ANXA8: variants seen among roughly 807,000 people sequenced by gnomAD.
The protein encoded by ANXA8 is annexin A8, also known as VAC-beta.
A neutral mutation model predicts 26.8 loss-of-function variants in ANXA8; 9 were observed. The ratio of observed to expected loss-of-function variants is 0.34; its 90% CI spans 0.20 to 0.59. ANXA8 has a LOEUF of 0.59. Ranked by LOEUF, ANXA8 falls within the 20% of genes least tolerant of loss-of-function variation. The pLI is 0.84. For synonymous variants in ANXA8, 39 were observed against 94.8 expected (o/e 0.41, Z 3.42); for missense variants, 83 against 238.5 (o/e 0.35, Z 4.29).
the ANXA8 span, among the ~76,000 whole-genome samples, chr10:47,708,676 G>T: frequency 0.11 from 13,099 of 121,136 alleles, no homozygotes; most frequent in East Asian, 0.39. Context: ...GAAAAGAAAA[G>T]ACTTCTGTTC....
the ANXA8 span, among the ~76,000 whole-genome samples, chr10:47,701,175 T>C: frequency 6.6e-6 from 1 of 150,618 alleles, no homozygotes; most frequent in Non-Finnish European, 1.5e-5. Flanking sequence ...GAGATACCAT[T>C]TCTCACCTAT....
At chr10:47,908,870 C>T in the ANXA8 span, among the ~76,000 whole-genome samples, 1 of 3,924 alleles carries the variant, frequency 2.5e-4, no homozygotes, top group Non-Finnish European at 4.3e-4. Context: ...GAGGTGTGAG[C>T]CACCGCACCC....
At chr10:47,576,824 A>AG in the ANXA8 span, among the ~76,000 whole-genome samples, 8 of 149,732 alleles carry the variant, frequency 5.3e-5, no homozygotes, top group African/African-American at 1.5e-4. Flanking sequence ...TGGCCTAGAG[A>AG]GATTTTTTTA....
At chr10:47,748,616 T>C in the ANXA8 span, among the ~76,000 whole-genome samples, 1 of 152,206 alleles carries the variant, frequency 6.6e-6, no homozygotes, top group South Asian at 2.1e-4. Context: ...TCTTTTTTCT[T>C]TTCCCCTCCC....
At chr10:47,485,440 T>C (rs1408227165), upstream of ANXA8, among the ~76,000 whole-genome samples, 14 of 151,952 alleles carry the variant, frequency 9.2e-5, no homozygotes, top group Admixed American at 2.6e-4. Context: ...AACCAGGATA[T>C]AAGGTTCAGC....
the ANXA8 span, among the ~76,000 whole-genome samples, chr10:47,667,476 GCT>G: frequency 6.6e-6 from 1 of 151,838 alleles, no homozygotes; most frequent in Non-Finnish European, 1.5e-5. Flanking sequence ...AAACAATTAT[GCT>G]CTGCACTCAG....
the ANXA8 span, among the ~76,000 whole-genome samples, chr10:47,652,970 T>C: frequency 7.9e-5 from 12 of 151,488 alleles, no homozygotes; most frequent in Admixed American, 7.2e-4. Context: ...AGCTTTCTCC[T>C]GGAGACTGGA....
chr10:47,717,902 G>T, the ANXA8 span, among the ~76,000 whole-genome samples: 8 of 151,758 alleles, frequency 5.3e-5, no homozygotes, highest in Admixed American at 3.9e-4. Flanking sequence ...GGAGGCTGAG[G>T]CAGGAAAATT....
chr10:47,900,837 C>G, the ANXA8 span, among the ~76,000 whole-genome samples: 1 of 150,338 alleles, frequency 6.7e-6, no homozygotes. Context: ...TGAGTATACA[C>G]TATATTATAG....
the ANXA8 span, among the ~76,000 whole-genome samples, chr10:47,733,199 T>TTCCTCTCTC: frequency 8.9e-6 from 1 of 112,476 alleles, no homozygotes; most frequent in Non-Finnish European, 2.0e-5. Context: ...CTTTCTTTCT[T>TTCCTCTCTC]TCTTTCTTTC....
chr10:47,640,004 T>C, the ANXA8 span, among the ~76,000 whole-genome samples: 7 of 145,046 alleles, frequency 4.8e-5, no homozygotes, highest in East Asian at 1.4e-3. Flanking sequence ...GTTGCCTAGG[T>C]TGGTCTCAAT....
At chr10:47,651,809 G>A in the ANXA8 span, among the ~76,000 whole-genome samples, 12 of 151,748 alleles carry the variant, frequency 7.9e-5, no homozygotes, top group Non-Finnish European at 8.8e-5. Flanking sequence ...CAGGAGAATC[G>A]CTTGAACCTG....
At chr10:47,565,788 G>C in the ANXA8 span, 2 of 987,018 alleles carry the variant, frequency 2.0e-6, no homozygotes, top group Non-Finnish European at 2.7e-6. Flanking sequence ...GGGCGCCCCG[G>C]AACCCAACGG....
Position 47,468,873 on chromosome 10 carries a change from G to A in ANXA8, c.958C>T (p.Leu320=), listed in dbSNP as rs1321284884. 1.2e-6 allele frequency: 2 copies of A among 1,610,996 alleles called. No homozygotes were observed. Among genetic ancestry groups the A allele is most frequent in the African/African-American group, 1.3e-5 (1 of 74,520 alleles). The stretch of plus-strand genomic sequence containing the variant: ...CAGGGGTCGCTGCCCACCAGGCTCA[G>A]CAGGGCGTTCTTGTAGTCACCGCTG... The part of the protein sequence containing the change: ...DTSGDYKNAL[L]SLVGSDP Residue 320 remains leucine (L), a synonymous_variant, in exon 12 of 12, where the codon CTG becomes TTG. Coordinates refer to ENST00000585281, the MANE Select transcript of ANXA8 (RefSeq NM_001040084.3).
At chr10:47,954,613 T>C in the ANXA8 span, among the ~76,000 whole-genome samples, 4 of 151,408 alleles carry the variant, frequency 2.6e-5, no homozygotes, top group Non-Finnish European at 4.4e-5. Flanking sequence ...TTGTTTACCC[T>C]GATGTGATTA....
At chr10:47,626,758 A>G in the ANXA8 span, among the ~76,000 whole-genome samples, 1 of 150,300 alleles carries the variant, frequency 6.7e-6, no homozygotes, top group African/African-American at 2.5e-5. Context: ...TGTCTTATCT[A>G]TTGTCTATGT....
the ANXA8 span, chr10:47,970,284 C>T: frequency 6.6e-6 from 1 of 151,516 alleles, no homozygotes; most frequent in African/African-American, 2.4e-5. Context: ...GCTCATCCCA[C>T]TGGGGCCACC....
chr10:47,776,146 C>CT, the ANXA8 span, among the ~76,000 whole-genome samples: 10 of 151,982 alleles, frequency 6.6e-5, no homozygotes, highest in Middle Eastern at 3.4e-3. Context: ...GGAGCAATGG[C>CT]TATTTCTGAA....
the ANXA8 span, among the ~76,000 whole-genome samples, chr10:47,652,238 C>T: frequency 1.3e-5 from 2 of 151,722 alleles, no homozygotes; most frequent in African/African-American, 4.9e-5. Flanking sequence ...TGTGAATACG[C>T]TAAAACTACT....
Sources: gnomAD v4.1 joint callset for allele counts (sites outside exome capture counted in the v4.1 genomes callset) on GRCh38, gnomAD v4.1.1 for gene constraint, MANE v1.5 for transcripts, NCBI Gene and HGNC (gene_info 2026-07-23, HGNC 2026-07-21) for gene names.